Variants in PDGFD observed in about 807,000 individuals in gnomAD.
PDGFD encodes the protein platelet-derived growth factor D.
Under a neutral mutation model 44.7 loss-of-function variants are expected in PDGFD, and 30 were observed. The observed-to-expected ratio is 0.67, with a 90% CI of 0.50 to 0.91. PDGFD has a LOEUF of 0.91. PDGFD is among the 40% of genes least tolerant of loss of function. The pLI, the probability that PDGFD is intolerant of heterozygous loss-of-function variation, is 0.00. For missense variants in PDGFD, 445 were observed against 457.8 expected, an observed-to-expected ratio of 0.97 and a Z score of 0.25; for synonymous variants, 173 against 168.4, an observed-to-expected ratio of 1.03 and a Z score of -0.21.
intron 1 of PDGFD, among the ~76,000 whole-genome samples, chr11:104,013,457 A>G (rs963779183): frequency 2.0e-5 from 3 of 152,112 alleles, no homozygotes; most frequent in African/African-American, 7.2e-5. Flanking sequence ...CTGGAGCCCA[A>G]AAGCACTCAA....
chr11:104,016,854 T>C (rs1356024909), intron 1 of PDGFD, among the ~76,000 whole-genome samples: 1 of 152,204 alleles, frequency 6.6e-6, no homozygotes, highest in Non-Finnish European at 1.5e-5. Context: ...TTTCCACAAT[T>C]TGCCATGTAG....
rs756589625 is a variant in PDGFD at position 104,117,766 on chromosome 11, C to A, written c.124+46038G>T. Reference sequence around the variant, plus strand: ...AACAAATGGAAACACATCCCATGTTCATGGATGCGTACAATCAATACTGTG... The same window carrying A: ...AACAAATGGAAACACATCCCATGTTAATGGATGCGTACAATCAATACTGTG... On this transcript the variant is annotated intron_variant, in intron 1 of 6. Coordinates refer to ENST00000393158, the MANE Select transcript of PDGFD (RefSeq NM_025208.5). Among the ~76,000 whole-genome samples, 4 of 152,102 alleles carry A rather than the reference C, an allele frequency of 2.6e-5. No homozygotes were observed. The East Asian group carries it at 7.7e-4, about 29-fold the overall frequency.
At chr11:103,929,187 G>C (rs563734872) in intron 5 of PDGFD, among the ~76,000 whole-genome samples, 1 of 152,162 alleles carries the variant, frequency 6.6e-6, no homozygotes, top group Non-Finnish European at 1.5e-5. Flanking sequence ...TATTTGCTAA[G>C]AGTTAACAGT....
intron 3 of PDGFD, among the ~76,000 whole-genome samples, chr11:103,993,695 A>C (rs1766384418): frequency 6.6e-6 from 1 of 152,176 alleles, no homozygotes; most frequent in Non-Finnish European, 1.5e-5. Context: ...CTGAGCCAAG[A>C]ATCAAACAGA....
At chr11:104,075,455 C>T (rs1329383613) in intron 1 of PDGFD, among the ~76,000 whole-genome samples, 1 of 151,518 alleles carries the variant, frequency 6.6e-6, no homozygotes, top group Non-Finnish European at 1.5e-5. Flanking sequence ...CTAATAGAGA[C>T]TGTACTTTGG....
chr11:104,101,187 G>A (rs567232844), intron 1 of PDGFD, among the ~76,000 whole-genome samples: 1 of 152,218 alleles, frequency 6.6e-6, no homozygotes, highest in South Asian at 2.1e-4. Flanking sequence ...TGACATGATT[G>A]TATATCTAGA....
intron 5 of PDGFD, among the ~76,000 whole-genome samples, chr11:103,940,373 T>C (rs1858564510): frequency 6.6e-6 from 1 of 152,128 alleles, no homozygotes; most frequent in East Asian, 1.9e-4. Flanking sequence ...TTTCCATCTG[T>C]CTGGACAAAT....
chr11:104,029,704 G>T (rs1860096150), intron 1 of PDGFD, among the ~76,000 whole-genome samples: 1 of 152,166 alleles, frequency 6.6e-6, no homozygotes, highest in Non-Finnish European at 1.5e-5. Flanking sequence ...TACCTGTTGA[G>T]GTGTCTTGGC....
intron 6 of PDGFD, among the ~76,000 whole-genome samples, chr11:103,915,528 A>G (rs941367120): frequency 4.6e-5 from 7 of 152,218 alleles, no homozygotes; most frequent in African/African-American, 1.7e-4. Context: ...AAAGTAAATT[A>G]TAGATTCAGT....
chr11:104,142,318 T>C (rs934874261), intron 1 of PDGFD, among the ~76,000 whole-genome samples: 3 of 152,148 alleles, frequency 2.0e-5, no homozygotes, highest in Non-Finnish European at 4.4e-5. Context: ...AGTAAATATA[T>C]GTTTATATGA....
intron 1 of PDGFD, among the ~76,000 whole-genome samples, chr11:104,098,761 C>A (rs1488582927): frequency 1.3e-5 from 2 of 152,096 alleles, no homozygotes; most frequent in Non-Finnish European, 2.9e-5. Context: ...AGTGATATTA[C>A]CACCTCGGTC....
At chr11:104,038,701 TC>T (rs1860297247) in intron 1 of PDGFD, 1 of 167,068 alleles carries the variant, frequency 6.0e-6, no homozygotes, top group Non-Finnish European at 1.5e-5. Flanking sequence ...TTTCTATTTC[TC>T]CTGCATTCAA....
intron 1 of PDGFD, among the ~76,000 whole-genome samples, chr11:104,127,486 G>A (rs766199455): frequency 5.3e-5 from 8 of 152,096 alleles, no homozygotes; most frequent in Non-Finnish European, 1.2e-4. Context: ...ATCTGGATTC[G>A]AACCTGGTTT....
intron 1 of PDGFD, among the ~76,000 whole-genome samples, chr11:104,091,170 C>A (rs751494967): frequency 1.3e-5 from 2 of 152,006 alleles, no homozygotes; most frequent in Non-Finnish European, 2.9e-5. Context: ...TGCTTACATG[C>A]GTATAGGCAT....
Position 104,164,032 on chromosome 11 carries a change from G to T in PDGFD, c.-105C>A, listed in dbSNP as rs1260682563. 2 of 1,301,546 alleles carry T rather than the reference G, an allele frequency of 1.5e-6. No individual in the cohort carries two copies. Among genetic ancestry groups the T allele is most frequent in the Non-Finnish European group, 2.0e-6 (2 of 979,128 alleles). 80.6% of individuals were successfully genotyped at this position (1,301,546 alleles called of 1,614,324 possible). On this transcript the variant is annotated 5_prime_UTR_variant, in exon 1 of 7. Transcript: ENST00000393158. ...CGCTCTCGCCGCCTGCGCTCGCCCTGCGCTGGCCCGGGTCGCTGTGCTAAT... is the reference window on the plus strand; with the variant it reads ...CGCTCTCGCCGCCTGCGCTCGCCCTTCGCTGGCCCGGGTCGCTGTGCTAAT...
At chr11:104,103,017 A>C (rs1041086143) in intron 1 of PDGFD, among the ~76,000 whole-genome samples, 2 of 152,162 alleles carry the variant, frequency 1.3e-5, no homozygotes, top group Non-Finnish European at 2.9e-5. Flanking sequence ...AACAAGGCAC[A>C]TGTATACATA....
chr11:104,110,480 A>G (rs1020232727), intron 1 of PDGFD, among the ~76,000 whole-genome samples: 6 of 151,134 alleles, frequency 4.0e-5, no homozygotes, highest in Admixed American at 6.6e-5. Flanking sequence ...TTACTAAAAT[A>G]TATGAAATAA....
intron 1 of PDGFD, among the ~76,000 whole-genome samples, chr11:104,148,100 T>C (rs964314312): frequency 6.6e-6 from 1 of 152,194 alleles, no homozygotes; most frequent in African/African-American, 2.4e-5. Context: ...AGTAGCATGG[T>C]TTACTGTTAG....
At chr11:103,955,828 GAC>G (rs1245995289) in intron 3 of PDGFD, among the ~76,000 whole-genome samples, 27 of 151,970 alleles carry the variant, frequency 1.8e-4, no homozygotes, top group African/African-American at 4.3e-4. Context: ...ATATAGATAA[GAC>G]ACACAGATTT....
Sources: gnomAD v4.1 joint callset for allele counts (sites outside exome capture counted in the v4.1 genomes callset) on GRCh38, gnomAD v4.1.1 for gene constraint, MANE v1.5 for transcripts, NCBI Gene and HGNC (gene_info 2026-07-23, HGNC 2026-07-21) for gene names.